SLC17A6: variants seen among roughly 807,000 people sequenced by gnomAD.
SLC17A6 encodes solute carrier family 17 member 6.
In SLC17A6, 35 loss-of-function variants were observed where a neutral mutation model predicts 67.1. The ratio of observed to expected loss-of-function variants is 0.52; its 90% CI spans 0.40 to 0.69. The LOEUF (loss-of-function observed/expected upper bound fraction) is 0.69, where lower values mean the gene tolerates loss of function less well. Among genes scored for constraint, SLC17A6 ranks in the 30% least tolerant of loss-of-function variants. The pLI is 0.00. For missense variants in SLC17A6, 588 were observed against 723.9 expected (o/e 0.81, Z 2.15); for synonymous variants, 285 against 252.3 (o/e 1.13, Z -1.23).
At chr11:22,345,314 G>T (rs969864445) in intron 3 of SLC17A6, among the ~76,000 whole-genome samples, 11 of 143,028 alleles carry the variant, frequency 7.7e-5, no homozygotes, top group African/African-American at 2.1e-4. Flanking sequence ...TTACTCAAAA[G>T]ATTTTTTTTT....
intron 7 of SLC17A6, among the ~76,000 whole-genome samples, chr11:22,366,272 C>CG (rs1856111227): frequency 1.3e-5 from 2 of 151,734 alleles, no homozygotes; most frequent in South Asian, 4.1e-4. Context: ...ATGTGCCCCC[C>CG]CCACCCTGTA....
Position 22,379,392 on chromosome 11 carries a change from G to T in SLC17A6, c.*1652G>T, listed in dbSNP as rs1178105843. ...AATACCCTTTGCTTTGTGCCTCAAAGTGATGTAATGTGATCACAGCTTTTG... is the reference window on the plus strand; with the variant it reads ...AATACCCTTTGCTTTGTGCCTCAAATTGATGTAATGTGATCACAGCTTTTG... On this transcript the variant is annotated 3_prime_UTR_variant, in exon 12 of 12. Transcript: ENST00000263160. The T allele has an allele frequency of 6.6e-6, 1 of 152,376 alleles. No individual in the cohort carries two copies. The highest frequency in any genetic ancestry group is 1.5e-5 in the Non-Finnish European group (1 of 67,990). The allele number at this position is 152,376 out of a possible 1,614,324, so 9.4% of individuals were successfully genotyped here.
chr11:22,339,035 A>C (rs1451521185), intron 1 of SLC17A6, among the ~76,000 whole-genome samples: 9 of 145,796 alleles, frequency 6.2e-5, no homozygotes, highest in South Asian at 2.1e-4. Context: ...TAAAAAAATA[A>C]CCAAGAAATT....
rs1420395303 is a variant in SLC17A6, at chr11:22,378,718, T to A, written c.*978T>A. On this transcript the variant is annotated 3_prime_UTR_variant, in exon 12 of 12. Coordinates refer to ENST00000263160, the MANE Select transcript of SLC17A6 (RefSeq NM_020346.3). ...CTATATGAAACTTGTGCCACAGAGCTATATATAATATGAAAAGATTAACTT... is the reference window on the plus strand; with the variant it reads ...CTATATGAAACTTGTGCCACAGAGCAATATATAATATGAAAAGATTAACTT... The A allele has an allele frequency of 6.6e-6, 1 of 152,314 alleles. No individual in the cohort carries two copies. The highest frequency in any genetic ancestry group is 2.4e-5 in the African/African-American group (1 of 41,458). The allele number at this position is 152,314 out of a possible 1,614,324, so 9.4% of individuals were successfully genotyped here. A position where few individuals can be genotyped will look rare whatever the true frequency, so the allele number is the denominator to read the frequency against.
intron 7 of SLC17A6, among the ~76,000 whole-genome samples, chr11:22,366,596 A>T (rs1373871489): frequency 6.6e-6 from 1 of 152,234 alleles, no homozygotes; most frequent in African/African-American, 2.4e-5. Flanking sequence ...TACCTAAAAA[A>T]GAGAGAAAAC....
chr11:22,361,209 C>A, intron 5 of SLC17A6: 1 of 442,066 alleles, frequency 2.3e-6, no homozygotes, highest in Non-Finnish European at 4.0e-6. Context: ...TGATCCATTT[C>A]ATCTAGGATT....
At chr11:22,362,369 A>T (rs1856062533) in intron 5 of SLC17A6, 3 of 335,864 alleles carry the variant, frequency 8.9e-6, no homozygotes, top group Non-Finnish European at 1.8e-5. Context: ...CTACAAGGAG[A>T]TACATGCTTG....
Position 22,376,477 on chromosome 11 carries a change from G to A in SLC17A6, c.1286-68G>A, listed in dbSNP as rs866160681. 9 of 1,569,806 alleles carry A rather than the reference G, an allele frequency of 5.7e-6. No homozygotes were observed. The Middle Eastern group carries it at 5.0e-4, about 88-fold the overall frequency. On this transcript the variant is annotated intron_variant, in intron 10 of 11. Transcript: ENST00000263160. ...TATATTTTAAGGAGTTGTGATGTGTGGTTCTATAGGTATTTACTTCTAAGA... is the reference window on the plus strand; with the variant it reads ...TATATTTTAAGGAGTTGTGATGTGTAGTTCTATAGGTATTTACTTCTAAGA...
At chr11:22,362,678 A>G in intron 5 of SLC17A6, 61 bp from the exon 6 acceptor site, 1 of 1,338,290 alleles carries the variant, frequency 7.5e-7, no homozygotes, top group Non-Finnish European at 1.1e-6. Context: ...GGAATGTGAG[A>G]TGATATCAAT....
In SLC17A6 at chr11:22,379,021, A is replaced by G. The variant is rs1258595849; in HGVS notation, c.*1281A>G. 3 of 152,586 alleles carry G rather than the reference A, an allele frequency of 2.0e-5. No homozygotes were observed. The East Asian group carries it at 5.8e-4, about 29-fold the overall frequency. The allele number at this position is 152,586 out of a possible 1,614,324, so 9.5% of individuals were successfully genotyped here. Reference sequence around the variant, plus strand: ...GGCATTTTGCTTGTCATTTCTTAATATAACTCAACAAGAATTGCAACATTT... The same window carrying G: ...GGCATTTTGCTTGTCATTTCTTAATGTAACTCAACAAGAATTGCAACATTT... On this transcript the variant is annotated 3_prime_UTR_variant, in exon 12 of 12. Coordinates refer to ENST00000263160, the MANE Select transcript of SLC17A6 (RefSeq NM_020346.3).
At position 22,354,972 on chromosome 11, in the gene SLC17A6, G is replaced by A. The variant is rs540475409; in HGVS notation, c.459-4441G>A. On this transcript the variant is annotated intron_variant, in intron 3 of 11. Coordinates refer to ENST00000263160, the MANE Select transcript of SLC17A6 (RefSeq NM_020346.3). Reference sequence around the variant, plus strand: ...TCAAGCATCAGACTAAGTCCTTTAGGTACACCATTCTATTTAGCCTAACAG... The same window carrying A: ...TCAAGCATCAGACTAAGTCCTTTAGATACACCATTCTATTTAGCCTAACAG... 3.7e-4 allele frequency among the ~76,000 whole-genome samples: 57 copies of A among 152,142 alleles called. No individual in the cohort carries two copies. The Middle Eastern group carries it at 0.014, about 36-fold the overall frequency.
At chr11:22,363,798 G>T (rs914633186) in intron 6 of SLC17A6, among the ~76,000 whole-genome samples, 4 of 151,892 alleles carry the variant, frequency 2.6e-5, no homozygotes, top group African/African-American at 4.8e-5. Context: ...TTCTTAGGGA[G>T]ATTTTTTAAA....
intron 3 of SLC17A6, among the ~76,000 whole-genome samples, chr11:22,344,755 T>G (rs1021218923): frequency 6.6e-6 from 1 of 152,216 alleles, no homozygotes; most frequent in Admixed American, 6.5e-5. Context: ...GAGAACCCCT[T>G]TTTATGGATG....
At chr11:22,345,054 G>T (rs114185433) in intron 3 of SLC17A6, among the ~76,000 whole-genome samples, 163 of 151,992 alleles carry the variant, frequency 1.1e-3, no homozygotes, top group African/African-American at 3.7e-3. Flanking sequence ...AAAATATAAT[G>T]GTGGTGACTT....
intron 8 of SLC17A6, among the ~76,000 whole-genome samples, chr11:22,371,572 T>C (rs752999755): frequency 1.3e-5 from 2 of 151,508 alleles, no homozygotes; most frequent in Admixed American, 6.6e-5. Context: ...AGGACAAATA[T>C]GATACCGACA....
rs1590396789 is a variant in SLC17A6 at position 22,376,605 on chromosome 11, C to T, written c.1346C>T (p.Ser449Leu). The change falls in exon 11 of 12, where the codon TCG (serine) becomes TTG (leucine). Residue 449 changes from serine to leucine, a missense_variant. Coordinates refer to ENST00000263160, the MANE Select transcript of SLC17A6 (RefSeq NM_020346.3). ...TATGCCAGTATCTTAATGGGCATTT[C>T]GAATGGTGTTGGCACATTGTCAGGA... ...PRYASILMGI[S>L]NGVGTLSGMV... is the part of the protein sequence containing the mutation. 1.9e-6 allele frequency: 3 copies of T among 1,613,832 alleles called. No individual in the cohort carries two copies. The highest frequency in any genetic ancestry group is 2.2e-5 in the East Asian group (1 of 44,820).
chr11:22,351,270 T>C (rs1045477213), intron 3 of SLC17A6, among the ~76,000 whole-genome samples: 2 of 152,120 alleles, frequency 1.3e-5, no homozygotes, highest in South Asian at 2.1e-4. Flanking sequence ...AAGGGATACA[T>C]GTACAGGCTT....
At chr11:22,369,565 G>A (rs568929786) in intron 7 of SLC17A6, among the ~76,000 whole-genome samples, 3 of 151,970 alleles carry the variant, frequency 2.0e-5, no homozygotes, top group African/African-American at 7.2e-5. Flanking sequence ...TTCAGGTAGG[G>A]TCTAGAATAC....
At chr11:22,341,875 G>C (rs1480113657) in intron 2 of SLC17A6, 95 bp downstream of exon 2, 1 of 1,528,384 alleles carries the variant, frequency 6.5e-7, no homozygotes, top group East Asian at 2.4e-5. Flanking sequence ...CCGCCACTGA[G>C]AGGAAGGTTT....
Sources: allele counts gnomAD v4.1 joint callset (sites outside exome capture counted in the v4.1 genomes callset), GRCh38; gene constraint gnomAD v4.1.1; transcripts MANE v1.5; gene names NCBI Gene and HGNC (gene_info 2026-07-23, HGNC 2026-07-21).